ADAMTS19: variants seen among roughly 807,000 people sequenced by gnomAD.
The protein encoded by ADAMTS19 is ADAM metallopeptidase with thrombospondin type 1 motif 19, also known as A disintegrin and metalloproteinase with thrombospondin motifs 19.
Under a neutral mutation model 153.3 loss-of-function variants are expected in ADAMTS19, and 93 were observed. The observed-to-expected ratio is 0.61, with a 90% confidence interval of 0.51 to 0.72. ADAMTS19 has a LOEUF of 0.72. ADAMTS19 is among the 30% of genes least tolerant of loss of function. The pLI, the probability that ADAMTS19 is intolerant of heterozygous loss-of-function variation, is 0.00. For synonymous variants in ADAMTS19, 600 were observed against 556.6 expected, an observed-to-expected ratio of 1.08 and a Z score of -1.10; for missense variants, 1,482 against 1,552.1, an observed-to-expected ratio of 0.95 and a Z score of 0.76.
intron 7 of ADAMTS19, among the ~76,000 whole-genome samples, chr5:129,555,000 C>T (rs1212326618): frequency 6.6e-6 from 1 of 152,092 alleles, no homozygotes; most frequent in Non-Finnish European, 1.5e-5. Flanking sequence ...TTTAAAATCT[C>T]CTCATGTAAT....
At chr5:129,658,347 A>AAGAAAGAGAGAGAGAGAGAG (rs1753665183) in intron 14 of ADAMTS19, among the ~76,000 whole-genome samples, 2 of 115,992 alleles carry the variant, frequency 1.7e-5, no homozygotes, top group Admixed American at 8.2e-5. Context: ...GAAAGAAAGA[A>AAGAAAGAGAGAGAGAGAGAG]AGAAAGAAAG....
chr5:129,551,959 C>G, intron 7 of ADAMTS19, 52 bp downstream of exon 7: 1 of 1,199,622 alleles, frequency 8.3e-7, no homozygotes, highest in South Asian at 1.5e-5. Flanking sequence ...TTGAACATAT[C>G]ACTTGTTTAA....
chr5:129,702,941 A>AAATATATATATATATATATATAT lies in ADAMTS19; in HGVS notation c.3160-1297_3160-1296insATATATATATATATATATATATA. On this transcript the variant is annotated intron_variant, in intron 20 of 22. Coordinates refer to ENST00000274487, the MANE Select transcript of ADAMTS19 (RefSeq NM_133638.6). ...TAGTTTGACTTGCCAAAAAAAAAAA[A>AAATATATATATATATATATATAT]ATATATATATATATATATATATATA... is the stretch of plus-strand genomic sequence containing the variant. 9.1e-3 allele frequency among the ~76,000 whole-genome samples: 260 copies of AAATATATATATATATATATATAT among 28,556 alleles called. 1 individual carries two copies. Among genetic ancestry groups the AAATATATATATATATATATATAT allele is most frequent in the Non-Finnish European group, 0.017 (189 of 11,078 alleles). 18.7% of individuals were successfully genotyped at this position (28,556 alleles called of 152,430 possible).
chr5:129,519,000 G>A (rs1311396635), intron 3 of ADAMTS19, among the ~76,000 whole-genome samples: 2 of 151,970 alleles, frequency 1.3e-5, no homozygotes, highest in Non-Finnish European at 2.9e-5. Context: ...TCTTCAATAT[G>A]CTAATTGCAT....
At position 129,702,808 on chromosome 5, in the gene ADAMTS19, G is replaced by A. The variant is rs567904897; in HGVS notation, c.3159+1216G>A. Among the ~76,000 whole-genome samples, 477 of 151,022 alleles carry A rather than the reference G, an allele frequency of 3.2e-3. 2 individuals are homozygous for A. Among genetic ancestry groups the A allele is most frequent in the African/African-American group, 0.011 (432 of 41,072 alleles). ...TTGGTCAGAAATATTCTACTATACA[G>A]ATTTTTGGCACCAGCTGAGAGAAAT... is the stretch of plus-strand genomic sequence containing the variant. On this transcript the variant is annotated intron_variant, in intron 20 of 22. Transcript: ENST00000274487.
At chr5:129,590,377 G>A (rs1018197529) in intron 7 of ADAMTS19, among the ~76,000 whole-genome samples, 7 of 152,018 alleles carry the variant, frequency 4.6e-5, no homozygotes, top group South Asian at 4.1e-4. Context: ...TGTTTTTAGC[G>A]AAAGGGGATT....
At chr5:129,601,757 C>T (rs781401377) in intron 8 of ADAMTS19, among the ~76,000 whole-genome samples, 6 of 152,082 alleles carry the variant, frequency 3.9e-5, no homozygotes, top group African/African-American at 1.2e-4. Context: ...ATTGGCAACC[C>T]GAGAAGCTAT....
intron 17 of ADAMTS19, among the ~76,000 whole-genome samples, chr5:129,680,827 G>T (rs1470795837): frequency 1.3e-5 from 2 of 151,814 alleles, no homozygotes; most frequent in East Asian, 3.9e-4. Context: ...GAAAAAATCA[G>T]GATGATGGAA....
At chr5:129,694,920 G>A in intron 19 of ADAMTS19, 65 bp downstream of exon 19, 2 of 1,353,004 alleles carry the variant, frequency 1.5e-6, no homozygotes, top group Non-Finnish European at 2.0e-6. Context: ...TTTAAAACAT[G>A]CTCAGAATAT....
chr5:129,605,853 CT>C (rs1322892783), intron 8 of ADAMTS19, among the ~76,000 whole-genome samples: 1 of 152,012 alleles, frequency 6.6e-6, no homozygotes, highest in East Asian at 1.9e-4. Flanking sequence ...TGTCTACTTC[CT>C]AGAGATGTTG....
At chr5:129,649,755 A>G (rs2127044823) in intron 13 of ADAMTS19, among the ~76,000 whole-genome samples, 1 of 152,350 alleles carries the variant, frequency 6.6e-6, no homozygotes, top group East Asian at 1.9e-4. Context: ...ATAGTTGCTC[A>G]GGTATAACCA....
chr5:129,724,712 G>A (rs1281244713), intron 21 of ADAMTS19, among the ~76,000 whole-genome samples: 2 of 152,162 alleles, frequency 1.3e-5, no homozygotes, highest in Non-Finnish European at 2.9e-5. Context: ...CTGATTTTGT[G>A]GTGAAATGCA....
In ADAMTS19 at chr5:129,721,592, T is replaced by C. The variant is rs1481237008; in HGVS notation, c.3313-13340T>C. On this transcript the variant is annotated intron_variant, in intron 21 of 22. Transcript: ENST00000274487. Reference sequence around the variant, plus strand: ...TTTCAGTGTTAAACCAAGGTCTTTTTTTTTTATTTATTTTACTTTAAGTTC... The same window carrying C: ...TTTCAGTGTTAAACCAAGGTCTTTTCTTTTTATTTATTTTACTTTAAGTTC... 2.6e-5 allele frequency among the ~76,000 whole-genome samples: 4 copies of C among 152,020 alleles called. No homozygotes were observed. In the South Asian group the frequency reaches 6.2e-4, roughly 24 times the overall value.
intron 12 of ADAMTS19, among the ~76,000 whole-genome samples, chr5:129,648,483 A>G (rs1326456557): frequency 6.6e-6 from 1 of 152,038 alleles, no homozygotes; most frequent in Non-Finnish European, 1.5e-5. Context: ...TAAGAACCAA[A>G]TTTCTTAATG....
intron 14 of ADAMTS19, among the ~76,000 whole-genome samples, chr5:129,658,371 G>GAAAGAA (rs1561632513): frequency 4.8e-5 from 7 of 144,880 alleles, no homozygotes; most frequent in African/African-American, 1.8e-4. Context: ...GAAAGAAAGA[G>GAAAGAA]AGAGAGGAAG....
intron 16 of ADAMTS19, among the ~76,000 whole-genome samples, chr5:129,670,394 C>A (rs1231976746): frequency 2.0e-5 from 3 of 152,126 alleles, no homozygotes; most frequent in African/African-American, 7.2e-5. Context: ...CAGTGCATTA[C>A]ATACATCCAT....
At chr5:129,604,029 G>A (rs1327095183) in intron 8 of ADAMTS19, among the ~76,000 whole-genome samples, 1 of 151,818 alleles carries the variant, frequency 6.6e-6, no homozygotes, top group Non-Finnish European at 1.5e-5. Context: ...AGTTCCCACA[G>A]TGTTTCCAAA....
intron 3 of ADAMTS19, 126 bp downstream of exon 3, chr5:129,509,368 A>G (rs1031630575): frequency 2.3e-6 from 2 of 852,406 alleles, no homozygotes; most frequent in African/African-American, 3.5e-5. Context: ...ATTAGTAACA[A>G]TTAAATGTAT....
chr5:129,571,746 T>G (rs1365887986), intron 7 of ADAMTS19, among the ~76,000 whole-genome samples: 1 of 151,776 alleles, frequency 6.6e-6, no homozygotes, highest in Non-Finnish European at 1.5e-5. Flanking sequence ...TACTACTCAT[T>G]ATATCATTTA....
Sources: gnomAD v4.1 joint callset for allele counts (sites outside exome capture counted in the v4.1 genomes callset) on GRCh38, gnomAD v4.1.1 for gene constraint, MANE v1.5 for transcripts, NCBI Gene and HGNC (gene_info 2026-07-23, HGNC 2026-07-21) for gene names.